The following GRID1 variants were observed in gnomAD, a reference collection of about 807,000 sequenced individuals.
GRID1 encodes the protein glutamate ionotropic receptor delta type subunit 1.
Under a neutral mutation model 98.0 loss-of-function variants are expected in GRID1, and 28 were observed. That is an observed-to-expected ratio of 0.29 (90% CI 0.21 to 0.39). The LOEUF (loss-of-function observed/expected upper bound fraction) is 0.39. GRID1 is among the 10% of genes least tolerant of loss of function. The pLI, the probability that GRID1 is intolerant of heterozygous loss-of-function variation, is 1.00. For missense variants in GRID1, 1,111 were observed against 1,340.5 expected (o/e 0.83, Z 2.67); for synonymous variants, 553 against 538.5 (o/e 1.03, Z -0.37).
intron 12 of GRID1, among the ~76,000 whole-genome samples, chr10:85,651,904 C>T (rs995856018): frequency 1.3e-5 from 2 of 152,192 alleles, no homozygotes; most frequent in Non-Finnish European, 2.9e-5. Context: ...TCCAATCTTA[C>T]GTTTAAACCA....
intron 3 of GRID1, among the ~76,000 whole-genome samples, chr10:86,202,708 C>T (rs1464950949): frequency 1.3e-5 from 2 of 152,224 alleles, no homozygotes; most frequent in African/African-American, 2.4e-5. Flanking sequence ...CATGGCTTTT[C>T]CTGCTCTGAT....
intron 8 of GRID1, among the ~76,000 whole-genome samples, chr10:85,791,411 T>C (rs1318540668): frequency 6.6e-6 from 1 of 152,116 alleles, no homozygotes; most frequent in East Asian, 1.9e-4. Context: ...GAGATACACA[T>C]CCAGGACAAA....
chr10:86,178,137 C>A (rs1227862949), intron 3 of GRID1, among the ~76,000 whole-genome samples: 2 of 152,206 alleles, frequency 1.3e-5, no homozygotes, highest in East Asian at 3.8e-4. Flanking sequence ...AAAGTCAGTT[C>A]CCCAAGTGAC....
chr10:85,612,528 T>C (rs1384688236), intron 15 of GRID1, among the ~76,000 whole-genome samples: 1 of 152,118 alleles, frequency 6.6e-6, no homozygotes, highest in Non-Finnish European at 1.5e-5. Flanking sequence ...TTGAGGTTTA[T>C]ATCCATCTGC....
chr10:86,046,083 GACACAC>G (rs1214804219), intron 4 of GRID1, among the ~76,000 whole-genome samples: 1 of 152,098 alleles, frequency 6.6e-6, no homozygotes, highest in Non-Finnish European at 1.5e-5. Flanking sequence ...CTTTTCATAA[GACACAC>G]CCACCGTTGT....
intron 8 of GRID1, among the ~76,000 whole-genome samples, chr10:85,803,774 A>G (rs983168722): frequency 1.3e-5 from 2 of 152,070 alleles, no homozygotes; most frequent in Non-Finnish European, 2.9e-5. Flanking sequence ...GCATCAATAC[A>G]TAATAATCAC....
intron 4 of GRID1, among the ~76,000 whole-genome samples, chr10:86,005,325 T>G (rs1842847756): frequency 6.6e-6 from 1 of 150,624 alleles, no homozygotes; most frequent in African/African-American, 2.4e-5. Context: ...CCAGCTCCAT[T>G]CAATAAGTAC....
chr10:86,292,902 G>A (rs982543866), intron 2 of GRID1, among the ~76,000 whole-genome samples: 2 of 152,176 alleles, frequency 1.3e-5, no homozygotes, highest in Non-Finnish European at 1.5e-5. Flanking sequence ...GAGTGTGGGT[G>A]TGAGTGAGGG....
chr10:85,783,460 T>C (rs981529168), intron 8 of GRID1, among the ~76,000 whole-genome samples: 1 of 152,184 alleles, frequency 6.6e-6, no homozygotes. Flanking sequence ...TCGAATCTGA[T>C]TTTATGGACA....
At chr10:86,308,001 C>G (rs1366937788) in intron 2 of GRID1, among the ~76,000 whole-genome samples, 1 of 152,232 alleles carries the variant, frequency 6.6e-6, no homozygotes, top group South Asian at 2.1e-4. Flanking sequence ...ATCCCCGGAA[C>G]TTACTCATCT....
chr10:86,115,364 T>C (rs1844560342), intron 4 of GRID1, among the ~76,000 whole-genome samples: 1 of 152,206 alleles, frequency 6.6e-6, no homozygotes, highest in South Asian at 2.1e-4. Context: ...AATGAATGAA[T>C]GAATGAATGA....
intron 8 of GRID1, among the ~76,000 whole-genome samples, chr10:85,815,913 A>C (rs548054412): frequency 2.0e-5 from 3 of 152,036 alleles, no homozygotes; most frequent in South Asian, 2.1e-4. Context: ...AAAAGCTTAC[A>C]TCATTAGTCA....
intron 8 of GRID1, among the ~76,000 whole-genome samples, chr10:85,767,234 A>C (rs1393758984): frequency 6.6e-6 from 1 of 152,176 alleles, no homozygotes. Flanking sequence ...AAGTTGGCGA[A>C]ATGTAGCAAT....
At chr10:86,015,092 G>A (rs1842964281) in intron 4 of GRID1, among the ~76,000 whole-genome samples, 1 of 152,064 alleles carries the variant, frequency 6.6e-6, no homozygotes, top group African/African-American at 2.4e-5. Context: ...ATGTTGTGTG[G>A]CACTTATCAT....
At chr10:85,953,283 A>T (rs141075499) in intron 4 of GRID1, among the ~76,000 whole-genome samples, 1 of 152,240 alleles carries the variant, frequency 6.6e-6, no homozygotes, top group East Asian at 1.9e-4. Flanking sequence ...CAGAAAACCA[A>T]ATACTGCATG....
chr10:86,249,433 C>T (rs187212861), intron 2 of GRID1, among the ~76,000 whole-genome samples: 4 of 152,350 alleles, frequency 2.6e-5, no homozygotes, highest in Admixed American at 2.6e-4. Context: ...CAGTCTCTGA[C>T]ATCAGACAAA....
rs114822910 is a variant in GRID1, at chr10:85,998,847, A to G, written c.727-82608T>C. ...CTCCACAGCTATTAAAATGATAAGAAGGGAATACTACAAACAACTCTGTAC... is the reference window on the plus strand; with the variant it reads ...CTCCACAGCTATTAAAATGATAAGAGGGGAATACTACAAACAACTCTGTAC... On this transcript the variant is annotated intron_variant, in intron 4 of 15. Coordinates refer to ENST00000327946, the MANE Select transcript of GRID1 (RefSeq NM_017551.3). Among the ~76,000 whole-genome samples, 271 of 152,354 alleles carry G rather than the reference A, an allele frequency of 1.8e-3. 1 individual carries two copies. Among genetic ancestry groups the G allele is most frequent in the African/African-American group, 6.3e-3 (262 of 41,588 alleles).
chr10:86,041,508 C>T (rs955162894), intron 4 of GRID1, among the ~76,000 whole-genome samples: 6 of 152,102 alleles, frequency 3.9e-5, no homozygotes, highest in African/African-American at 1.4e-4. Flanking sequence ...CTTGCAGGTG[C>T]CGATGGATTG....
intron 3 of GRID1, among the ~76,000 whole-genome samples, chr10:86,196,720 C>T (rs1157414732): frequency 6.6e-6 from 1 of 151,990 alleles, no homozygotes; most frequent in African/African-American, 2.4e-5. Flanking sequence ...CCAGTCCTGA[C>T]CCCTGGCATA....
Sources: gnomAD v4.1 joint callset for allele counts (sites outside exome capture counted in the v4.1 genomes callset) on GRCh38, gnomAD v4.1.1 for gene constraint, MANE v1.5 for transcripts, NCBI Gene and HGNC (gene_info 2026-07-23, HGNC 2026-07-21) for gene names.